LRRC9: variants seen among roughly 807,000 people sequenced by gnomAD.
The protein encoded by LRRC9 is leucine rich repeat containing 9.
LRRC9 carries 122 observed loss-of-function variants against 63.2 expected under a neutral mutation model. That is an observed-to-expected ratio of 1.93 (90% CI 1.67 to 2.24). LRRC9 has a LOEUF of 2.24. LRRC9 is among the 30% of genes most tolerant of loss of function. The probability of loss-of-function intolerance (pLI) is 0.00; values close to 1 mark genes in which losing one functional copy is unlikely to be tolerated. For synonymous variants in LRRC9, 366 were observed against 213.1 expected (o/e 1.72, Z -6.25); for missense variants, 1,071 against 627.7 (o/e 1.71, Z -7.55).
intron 17 of LRRC9, among the ~76,000 whole-genome samples, chr14:59,987,259 C>A (rs897244310): frequency 1.3e-5 from 2 of 151,300 alleles, no homozygotes; most frequent in African/African-American, 2.4e-5. Flanking sequence ...AATGTACATC[C>A]CTAGCACAAT....
chr14:60,050,201 G>A (rs1453455222), intron 29 of LRRC9, among the ~76,000 whole-genome samples: 1 of 151,986 alleles, frequency 6.6e-6, no homozygotes, highest in African/African-American at 2.4e-5. Context: ...TCACCATGTT[G>A]GCCAGGCTGG....
At chr14:59,946,170 A>T (rs1434109225) in intron 8 of LRRC9, among the ~76,000 whole-genome samples, 1 of 151,460 alleles carries the variant, frequency 6.6e-6, no homozygotes, top group African/African-American at 2.4e-5. Context: ...TTATATACTC[A>T]AGACAGAATA....
At chr14:60,043,539 G>T (rs976071327) in intron 29 of LRRC9, among the ~76,000 whole-genome samples, 1 of 152,072 alleles carries the variant, frequency 6.6e-6, no homozygotes, top group Non-Finnish European at 1.5e-5. Flanking sequence ...GGCATCTATT[G>T]AAATAATCAT....
chr14:60,054,621 C>A (rs1210027291), intron 30 of LRRC9, among the ~76,000 whole-genome samples: 1 of 152,128 alleles, frequency 6.6e-6, no homozygotes, highest in Non-Finnish European at 1.5e-5. Context: ...TATCATGTCT[C>A]CAAAAACAAC....
intron 16 of LRRC9, among the ~76,000 whole-genome samples, 170 bp downstream of exon 16, chr14:59,982,230 T>C (rs1253807029): frequency 2.0e-5 from 3 of 152,200 alleles, no homozygotes; most frequent in Non-Finnish European, 2.9e-5. Context: ...TGCTCTCTAG[T>C]AGTAATATAA....
At chr14:59,920,353 C>T (rs1888668100) in intron 1 of LRRC9, 80 bp downstream of exon 1, 1 of 152,178 alleles carries the variant, frequency 6.6e-6, no homozygotes, top group Non-Finnish European at 1.5e-5. Flanking sequence ...CCAAGCCATA[C>T]CAAGGGGAAG....
chr14:59,972,200 C>T (rs139498664), intron 12 of LRRC9, among the ~76,000 whole-genome samples: 108 of 152,216 alleles, frequency 7.1e-4, no homozygotes, highest in African/African-American at 2.5e-3. Flanking sequence ...ACTTACTGAT[C>T]CTTTAAGTCC....
intron 6 of LRRC9, among the ~76,000 whole-genome samples, chr14:59,937,510 T>C (rs1463412206): frequency 6.6e-6 from 1 of 152,084 alleles, no homozygotes; most frequent in Non-Finnish European, 1.5e-5. Context: ...GGTTGGGCTC[T>C]GACAGATTAA....
At chr14:59,928,795 G>A (rs541239699) in intron 3 of LRRC9, among the ~76,000 whole-genome samples, 11 of 152,052 alleles carry the variant, frequency 7.2e-5, no homozygotes, top group African/African-American at 2.7e-4. Context: ...TCTGATCTTC[G>A]ACAAAGATGA....
At chr14:59,991,588 G>A (rs914047306) in intron 17 of LRRC9, among the ~76,000 whole-genome samples, 5 of 152,258 alleles carry the variant, frequency 3.3e-5, no homozygotes, top group South Asian at 2.1e-4. Flanking sequence ...GGTGACAGAC[G>A]GCACCTGGAA....
chr14:59,980,088 A>G (rs1886768490), intron 15 of LRRC9, among the ~76,000 whole-genome samples: 1 of 152,120 alleles, frequency 6.6e-6, no homozygotes, highest in Non-Finnish European at 1.5e-5. Flanking sequence ...TTTATGTCTT[A>G]TGTCAAAAAG....
chr14:59,960,991 A>C lies in LRRC9; in HGVS notation c.1157A>C (p.Glu386Ala), dbSNP rs1375842954. 2.6e-5 allele frequency: 18 copies of C among 695,702 alleles called. No homozygotes were observed. The East Asian group carries it at 4.9e-4, about 19-fold the overall frequency. The allele number at this position is 695,702 out of a possible 1,614,324, so 43.1% of individuals were successfully genotyped here. A position where few individuals can be genotyped will look rare whatever the true frequency, so the allele number is the denominator to read the frequency against. ...TTATTGATCCCACTTTTGTTAATTG[A>C]GTTAGAGACTGTGGGAAATTTCCAT... Residue 386 changes from glutamate to alanine, a missense_variant, in exon 10 of 32, where the codon GAG becomes GCG. By Grantham distance (107) the Glu-to-Ala change is moderately radical (BLOSUM62 -1). Transcript: ENST00000445360.
intron 29 of LRRC9, among the ~76,000 whole-genome samples, chr14:60,047,870 A>G (rs1893566665): frequency 6.6e-6 from 1 of 152,128 alleles, no homozygotes; most frequent in Admixed American, 6.6e-5. Context: ...GCACTTACTC[A>G]AAAATTAATC....
rs146681292 is a variant in LRRC9, at chr14:60,011,409, G to A, written c.3186+3195G>A. Among the ~76,000 whole-genome samples the A allele has an allele frequency of 3.3e-4, 50 of 152,282 alleles. 1 individual carries two copies. The highest frequency in any genetic ancestry group is 1.1e-3 in the African/African-American group (46 of 41,552). On this transcript the variant is annotated intron_variant, in intron 23 of 31. Coordinates refer to ENST00000445360, the Ensembl canonical transcript of LRRC9. ...CAATTCAAGATGAGACTTTGGTGGG[G>A]ACACAGAGCCAATCCATATCAATGA... is the stretch of plus-strand genomic sequence containing the variant.
chr14:59,920,809 TTA>T (rs1290451103), intron 1 of LRRC9, among the ~76,000 whole-genome samples: 1 of 152,268 alleles, frequency 6.6e-6, no homozygotes, highest in Non-Finnish European at 1.5e-5. Flanking sequence ...TGGAGAACGA[TTA>T]TGTCTTTAAA....
At chr14:59,935,564 T>G (rs778372989) in intron 6 of LRRC9, among the ~76,000 whole-genome samples, 2 of 152,172 alleles carry the variant, frequency 1.3e-5, no homozygotes, top group African/African-American at 2.4e-5. Flanking sequence ...GCATAAAGCT[T>G]TATACTTAAA....
intron 6 of LRRC9, among the ~76,000 whole-genome samples, chr14:59,933,299 G>A (rs1889863287): frequency 6.6e-6 from 1 of 152,098 alleles, no homozygotes; most frequent in African/African-American, 2.4e-5. Context: ...AGCTCTCTGA[G>A]TACAGGAACT....
intron 29 of LRRC9, among the ~76,000 whole-genome samples, chr14:60,049,068 T>G (rs1198355454): frequency 6.6e-6 from 1 of 152,190 alleles, no homozygotes; most frequent in Non-Finnish European, 1.5e-5. Flanking sequence ...AACAGGCCTT[T>G]GATAAAGTTC....
rs574474268 is a variant in LRRC9, at chr14:60,012,311, A to G, written c.3186+4097A>G. Among the ~76,000 whole-genome samples, 11 of 152,240 alleles carry G rather than the reference A, an allele frequency of 7.2e-5. No individual in the cohort carries two copies. In the South Asian group the frequency reaches 1.2e-3, roughly 17 times the overall value. On this transcript the variant is annotated intron_variant, in intron 23 of 31. Transcript: ENST00000445360. ...GCACCTGAGCCTCATTCTCTGTCCA[A>G]CACTCTCTAGACATATAATTACATT...
Sources: allele counts gnomAD v4.1 joint callset (sites outside exome capture counted in the v4.1 genomes callset), GRCh38; gene constraint gnomAD v4.1.1; transcripts MANE v1.5; gene names NCBI Gene and HGNC (gene_info 2026-07-23, HGNC 2026-07-21).